Variants in UBR4 observed in about 807,000 individuals in gnomAD.
UBR4 encodes ubiquitin protein ligase E3 component n-recognin 4.
UBR4 carries 124 observed loss-of-function variants against 575.6 expected under a neutral mutation model. The observed-to-expected ratio is 0.22, with a 90% CI of 0.19 to 0.25. UBR4 has a LOEUF of 0.25. Ranked by LOEUF, UBR4 falls within the 10% of genes least tolerant of loss-of-function variation. The pLI, the probability that UBR4 is intolerant of heterozygous loss-of-function variation, is 1.00. For missense variants in UBR4, 4,818 were observed against 6,478.8 expected (o/e 0.74, Z 8.80); for synonymous variants, 2,455 against 2,473.7 (o/e 0.99, Z 0.22).
chr1:19,188,005 C>T lies in UBR4; in HGVS notation c.1395-465G>A, dbSNP rs577294457. ...CTGCACTCCAGCCTGGGTGACAGAA[C>T]AAGACCTTGTCTCAAAACAAAAAAT... On this transcript the variant is annotated intron_variant, in intron 11 of 105. Transcript: ENST00000375254. 1.0e-3 allele frequency among the ~76,000 whole-genome samples: 153 copies of T among 150,906 alleles called. 1 individual carries two copies. The highest frequency in any genetic ancestry group is 5.9e-3 in the South Asian group (28 of 4,780).
At chr1:19,197,013 A>T in intron 8 of UBR4, 128 bp downstream of exon 8, 1 of 1,151,332 alleles carries the variant, frequency 8.7e-7, no homozygotes, top group South Asian at 1.6e-5. Context: ...CCTTGATGCG[A>T]CGTTAGATGA....
At chr1:19,095,404 A>G (rs2077934412) in intron 93 of UBR4, 141 bp downstream of exon 93, 9 of 815,454 alleles carry the variant, frequency 1.1e-5, no homozygotes, top group Non-Finnish European at 1.4e-5. Context: ...TGAATGACCC[A>G]AGCCTCTGCA....
intron 55 of UBR4, among the ~76,000 whole-genome samples, 166 bp from the exon 56 acceptor site, chr1:19,141,943 C>A (rs1381645832): frequency 5.3e-5 from 8 of 152,216 alleles, no homozygotes; most frequent in African/African-American, 1.7e-4. Context: ...TCTCTTACTT[C>A]TTGGACCTAC....
intron 60 of UBR4, among the ~76,000 whole-genome samples, chr1:19,132,679 C>T (rs1009711045): frequency 6.2e-5 from 6 of 97,286 alleles, no homozygotes; most frequent in African/African-American, 2.5e-4. Flanking sequence ...AGACATACAA[C>T]AGAAAAAAAC....
rs112998693 is a variant in UBR4, at chr1:19,201,391, C to T, written c.274+327G>A. ...AACTCCAGAGGTCAGTATCCACCAC[C>T]GCCTTCCCCCCAGGGAAATTAACAC... is the stretch of plus-strand genomic sequence containing the variant. On this transcript the variant is annotated intron_variant, in intron 2 of 105. Coordinates refer to ENST00000375254, the MANE Select transcript of UBR4 (RefSeq NM_020765.3). 7.2e-5 allele frequency among the ~76,000 whole-genome samples: 11 copies of T among 152,232 alleles called. No individual in the cohort carries two copies. The South Asian group carries it at 1.9e-3, about 26-fold the overall frequency.
chr1:19,165,865 A>T (rs1367273325), intron 29 of UBR4, 108 bp from the exon 30 acceptor site: 3 of 948,492 alleles, frequency 3.2e-6, no homozygotes, highest in Non-Finnish European at 4.6e-6. Flanking sequence ...CTTGAGGGCA[A>T]TGTCTAATTT....
chr1:19,119,830 T>C, intron 69 of UBR4, 129 bp from the exon 70 acceptor site: 1 of 1,261,260 alleles, frequency 7.9e-7, no homozygotes, highest in Non-Finnish European at 1.1e-6. Context: ...TTGTTTCACT[T>C]TTGACAATCA....
intron 25 of UBR4, 52 bp from the exon 26 acceptor site, chr1:19,170,935 T>C (rs1473640144): frequency 6.2e-7 from 1 of 1,612,898 alleles, no homozygotes; most frequent in Non-Finnish European, 8.5e-7. Context: ...ATCCCACCAG[T>C]TAGGAAAAAC....
At chr1:19,197,291 T>C (rs763150026) in intron 7 of UBR4, 26 bp from the exon 8 acceptor site, 6 of 1,613,832 alleles carry the variant, frequency 3.7e-6, no homozygotes, top group South Asian at 2.2e-5. Context: ...GATCAACAAG[T>C]GTCTCTTAGA....
chr1:19,114,221 T>C (rs2080221819), intron 75 of UBR4, 151 bp from the exon 76 acceptor site: 3 of 1,020,640 alleles, frequency 2.9e-6, no homozygotes, highest in Non-Finnish European at 4.2e-6. Flanking sequence ...TAATCTTTCC[T>C]GTGAGGTGGG....
Position 19,174,379 on chromosome 1 carries a change from A to G in UBR4, c.2922T>C (p.Leu974=). 6.2e-7 allele frequency: 1 copy of G among 1,613,440 alleles called. No homozygotes were observed. Among genetic ancestry groups the G allele is most frequent in the Non-Finnish European group, 8.5e-7 (1 of 1,179,974 alleles). The change falls in exon 22 of 106, where the codon CTT becomes CTC. Residue 974 remains leucine, a synonymous_variant. Coordinates refer to ENST00000375254, the MANE Select transcript of UBR4 (RefSeq NM_020765.3). The part of the protein sequence containing the change: ...DELYAALTAL[L]AAGSQLDTVR... ...CTGTATCAAGCTGGGACCCAGCTGC[A>G]AGCAGGGCTGTCAGTGCAGCATAAA...
intron 52 of UBR4, chr1:19,146,135 G>A (rs183905958): frequency 2.0e-6 from 3 of 1,521,592 alleles, no homozygotes; most frequent in East Asian, 5.0e-5. Flanking sequence ...AGAAAACATT[G>A]TATGTTAGAA....
chr1:19,141,887 C>T (rs958542135), intron 55 of UBR4, 110 bp from the exon 56 acceptor site: 165 of 1,496,200 alleles, frequency 1.1e-4, no homozygotes, highest in Non-Finnish European at 1.4e-4. Context: ...CAGCTAGCAC[C>T]CTGGGCTTTA....
chr1:19,199,675 T>C lies in UBR4; in HGVS notation c.354A>G (p.Pro118=), dbSNP rs778116201. Residue 118 remains proline (P), a synonymous_variant, in exon 3 of 106, where the codon CCA becomes CCG. Transcript: ENST00000375254. ...IEFSLLRLEN[P]DEACAVSQKH... is the part of the protein sequence containing the mutation. Reference sequence around the variant, plus strand: ...CCTGGGACACAGCACAAGCCTCATCTGGATTCTCCAGACGCAGGAGAGAAA... The same window carrying C: ...CCTGGGACACAGCACAAGCCTCATCCGGATTCTCCAGACGCAGGAGAGAAA... 5 of 1,614,182 alleles carry C rather than the reference T, an allele frequency of 3.1e-6. No individual in the cohort carries two copies. Among genetic ancestry groups the C allele is most frequent in the Non-Finnish European group, 4.2e-6 (5 of 1,180,020 alleles).
At chr1:19,169,584 C>T (rs1051199222) in intron 26 of UBR4, 52 bp from the exon 27 acceptor site, 4 of 1,527,284 alleles carry the variant, frequency 2.6e-6, no homozygotes, top group Non-Finnish European at 3.6e-6. Flanking sequence ...AGGAACGACA[C>T]AGAGCATTTT....
Position 19,121,279 on chromosome 1 carries a change from G to A in UBR4, c.10051C>T (p.Pro3351Ser), listed in dbSNP as rs749508537. 7 of 1,614,066 alleles carry A rather than the reference G, an allele frequency of 4.3e-6. No homozygotes were observed. The South Asian group carries it at 6.6e-5, about 15-fold the overall frequency. Reference sequence around the variant, plus strand: ...GCTTGTCCAGAACTGGCAGCCACAGGGGCTGAGGAGGAAGAAGCACTGGAG... The same window carrying A: ...GCTTGTCCAGAACTGGCAGCCACAGAGGCTGAGGAGGAAGAAGCACTGGAG... ...GSSSASSSSA[P>S]VAASSGQATT... is the part of the protein sequence containing the mutation. The change falls in exon 68 of 106, where the codon CCT becomes TCT. Residue 3351 changes from proline (P) to serine (S), a missense_variant. Physicochemically the swap from Pro to Ser is moderately conservative, Grantham distance 74. Transcript: ENST00000375254.
intron 71 of UBR4, chr1:19,118,418 CTT>C (rs35059878): frequency 1.3e-3 from 175 of 130,124 alleles, no homozygotes; most frequent in East Asian, 2.2e-3. Flanking sequence ...AACTAAAGAC[CTT>C]TTTTTTTTTT....
intron 26 of UBR4, among the ~76,000 whole-genome samples, chr1:19,170,051 A>G (rs902917869): frequency 6.6e-6 from 1 of 152,220 alleles, no homozygotes; most frequent in Non-Finnish European, 1.5e-5. Flanking sequence ...GTAAATTTTA[A>G]ACGGTAACTA....
Position 19,156,363 on chromosome 1 carries a change from G to A in UBR4, c.5980C>T (p.Pro1994Ser), listed in dbSNP as rs762153960. Reference protein sequence around the residue: ...GSVSDHLVLHPQLATGNFIIK... With the variant: ...GSVSDHLVLHSQLATGNFIIK... The stretch of plus-strand genomic sequence containing the variant: ...ATGAAGTTCCCCGTTGCCAACTGAG[G>A]GTGCAAAACCAAGTGATCCGAAACA... The change falls in exon 42 of 106, where the codon CCT becomes TCT. Residue 1994 changes from proline to serine, a missense_variant. By Grantham distance (74) the Pro-to-Ser change is moderately conservative. Transcript: ENST00000375254. 3 of 1,614,138 alleles carry A rather than the reference G, an allele frequency of 1.9e-6. No individual in the cohort carries two copies. Among genetic ancestry groups the A allele is most frequent in the East Asian group, 2.2e-5 (1 of 44,878 alleles).
Sources: gnomAD v4.1 joint callset for allele counts (sites outside exome capture counted in the v4.1 genomes callset) on GRCh38, gnomAD v4.1.1 for gene constraint, MANE v1.5 for transcripts, NCBI Gene and HGNC (gene_info 2026-07-23, HGNC 2026-07-21) for gene names.